The following COLEC12 variants were observed in gnomAD, a reference collection of about 807,000 sequenced individuals.
COLEC12 encodes the protein collectin-12.
A neutral mutation model predicts 71.1 loss-of-function variants in COLEC12; 33 were observed. The observed-to-expected ratio is 0.46, with a 90% CI of 0.35 to 0.62. COLEC12 has a LOEUF of 0.62. Ranked by LOEUF, COLEC12 falls within the 20% of genes least tolerant of loss-of-function variation. The pLI is 0.00. For synonymous variants in COLEC12, 350 were observed against 353.0 expected, an observed-to-expected ratio of 0.99 and a Z score of 0.10; for missense variants, 765 against 916.1, an observed-to-expected ratio of 0.84 and a Z score of 2.13.
chr18:472,725 CAGA>C (rs1917226442), intron 2 of COLEC12, among the ~76,000 whole-genome samples: 1 of 135,444 alleles, frequency 7.4e-6, no homozygotes, highest in Non-Finnish European at 1.6e-5. Context: ...AGGAAAACAA[CAGA>C]AGAAAAGAAA....
At position 394,566 on chromosome 18, in the gene COLEC12, T is replaced by G. The variant is rs117085682; in HGVS notation, c.59-37044A>C. Among the ~76,000 whole-genome samples, 167 of 152,358 alleles carry G rather than the reference T, an allele frequency of 1.1e-3. 1 individual carries two copies. The highest frequency in any genetic ancestry group is 1.5e-3 in the Non-Finnish European group (102 of 68,028). On this transcript the variant is annotated intron_variant, in intron 2 of 9. Coordinates refer to ENST00000400256, the MANE Select transcript of COLEC12 (RefSeq NM_130386.3). ...AACATTCAATACAGTGAACTGAAAC[T>G]TTTGACCTTGAAGGTTTCCCATTTT...
chr18:467,962 A>C (rs1247693543), intron 2 of COLEC12, among the ~76,000 whole-genome samples: 2 of 152,200 alleles, frequency 1.3e-5, no homozygotes, highest in African/African-American at 4.8e-5. Flanking sequence ...AGAGTAAAAA[A>C]TAATATATTT....
chr18:381,503 A>G (rs993094879), intron 2 of COLEC12, among the ~76,000 whole-genome samples: 7 of 152,228 alleles, frequency 4.6e-5, no homozygotes, highest in Non-Finnish European at 7.3e-5. Flanking sequence ...GGAAATGCCA[A>G]TGAAAACAAA....
At chr18:363,468 T>C (rs371503073) in intron 2 of COLEC12, among the ~76,000 whole-genome samples, 60 of 152,282 alleles carry the variant, frequency 3.9e-4, no homozygotes, top group African/African-American at 1.3e-3. Context: ...AAAGGGTCAA[T>C]TGCAAAATCC....
intron 2 of COLEC12, among the ~76,000 whole-genome samples, chr18:421,907 C>T (rs1223165248): frequency 6.6e-6 from 1 of 152,160 alleles, no homozygotes. Flanking sequence ...AAGTTCTCAC[C>T]CATCATATTA....
chr18:415,350 A>G (rs910330996), intron 2 of COLEC12, among the ~76,000 whole-genome samples: 1 of 152,118 alleles, frequency 6.6e-6, no homozygotes, highest in Non-Finnish European at 1.5e-5. Context: ...TTTTCCTTGT[A>G]TCATTGTGAT....
At chr18:416,399 G>T (rs1355429258) in intron 2 of COLEC12, among the ~76,000 whole-genome samples, 1 of 152,200 alleles carries the variant, frequency 6.6e-6, no homozygotes, top group Non-Finnish European at 1.5e-5. Context: ...GGATGAATCA[G>T]GTCAGAGGCT....
chr18:450,013 T>C (rs1916728464), intron 2 of COLEC12, among the ~76,000 whole-genome samples: 1 of 152,254 alleles, frequency 6.6e-6, no homozygotes, highest in African/African-American at 2.4e-5. Context: ...AATTTCATTT[T>C]GTCAGTAAAT....
In COLEC12 at chr18:347,126, T is replaced by C; in HGVS notation, c.496A>G (p.Thr166Ala). ...TACGCCTGGAGGGTTTTGTTTACAG[T>C]GGTGATGAGGAAAGAGTTATTCTCC... The part of the protein sequence containing the change: ...TLENNSFLIT[T>A]VNKTLQAYNG... Residue 166 changes from threonine (T) to alanine (A), a missense_variant, in exon 5 of 10, where the codon ACT becomes GCT. Coordinates refer to ENST00000400256, the MANE Select transcript of COLEC12 (RefSeq NM_130386.3). 1 of 1,614,208 alleles carries C rather than the reference T, an allele frequency of 6.2e-7. No individual in the cohort carries two copies. The highest frequency in any genetic ancestry group is 8.5e-7 in the Non-Finnish European group (1 of 1,180,038).
intron 2 of COLEC12, among the ~76,000 whole-genome samples, chr18:420,100 T>C (rs1195659764): frequency 6.6e-6 from 1 of 152,160 alleles, no homozygotes; most frequent in Non-Finnish European, 1.5e-5. Context: ...GACCCTGGAT[T>C]GTGGCGCAGA....
chr18:382,468 T>C (rs1915253771), intron 2 of COLEC12, among the ~76,000 whole-genome samples: 1 of 152,094 alleles, frequency 6.6e-6, no homozygotes, highest in Non-Finnish European at 1.5e-5. Flanking sequence ...CGCAAATACA[T>C]GACCTGAAAA....
At chr18:427,314 T>G (rs1368641309) in intron 2 of COLEC12, among the ~76,000 whole-genome samples, 1 of 151,990 alleles carries the variant, frequency 6.6e-6, no homozygotes, top group Non-Finnish European at 1.5e-5. Context: ...ATCGCCAAAT[T>G]CAGCTACGCC....
chr18:363,620 AATAAATTCCT>A (rs1327773050), intron 2 of COLEC12, among the ~76,000 whole-genome samples: 2 of 152,240 alleles, frequency 1.3e-5, no homozygotes, highest in Non-Finnish European at 2.9e-5. Context: ...GGATGATTCA[AATAAATTCCT>A]ATAATTAAAA....
chr18:483,751 A>G (rs993710050), intron 1 of COLEC12, among the ~76,000 whole-genome samples: 10 of 152,304 alleles, frequency 6.6e-5, no homozygotes, highest in African/African-American at 2.4e-4. Flanking sequence ...CTGTCGTGTT[A>G]ATGGCTGCAG....
At chr18:494,291 A>T (rs1039938400) in intron 1 of COLEC12, among the ~76,000 whole-genome samples, 1 of 152,232 alleles carries the variant, frequency 6.6e-6, no homozygotes, top group Admixed American at 6.5e-5. Flanking sequence ...TCTAAACTAC[A>T]TCACTGATTA....
In COLEC12 at chr18:321,670, C is replaced by T. The variant is rs1194406893; in HGVS notation, c.2201G>A (p.Arg734Lys). 1 of 1,614,084 alleles carries T rather than the reference C, an allele frequency of 6.2e-7. No homozygotes were observed. Among genetic ancestry groups the T allele is most frequent in the Non-Finnish European group, 8.5e-7 (1 of 1,180,042 alleles). ...DVNNFICEKD[R>K]ETVLSSAL ...TCCCATCTACTGCTCACCTGTCTCC[C>T]TGTCTTTTTCGCAAATGAAGTTATT... Residue 734 changes from arginine to lysine, a missense_variant, in exon 9 of 10, where the codon AGG (arginine) becomes AAG (lysine). Coordinates refer to ENST00000400256, the MANE Select transcript of COLEC12 (RefSeq NM_130386.3).
intron 6 of COLEC12, 125 bp downstream of exon 6, chr18:334,617 G>C: frequency 1.2e-6 from 1 of 816,558 alleles, no homozygotes. Context: ...AACAGAGTGA[G>C]ACCCTGTCTC....
In COLEC12 at chr18:319,340, A is replaced by T. The variant is rs1219845319; in HGVS notation, c.*705T>A. On this transcript the variant is annotated 3_prime_UTR_variant, in exon 10 of 10. Coordinates refer to ENST00000400256, the MANE Select transcript of COLEC12 (RefSeq NM_130386.3). ...AAACATTAAAAAAAAAAAAAAAAAA[A>T]AATATATATATATATATATATATAC... The T allele has an allele frequency of 1.5e-4, 5 of 33,260 alleles. No individual in the cohort carries two copies. Among genetic ancestry groups the T allele is most frequent in the Non-Finnish European group, 4.4e-4 (5 of 11,492 alleles). 2.1% of individuals were successfully genotyped at this position (33,260 alleles called of 1,614,324 possible).
chr18:392,360 G>A (rs1009965131), intron 2 of COLEC12, among the ~76,000 whole-genome samples: 2 of 152,132 alleles, frequency 1.3e-5, no homozygotes, highest in Non-Finnish European at 2.9e-5. Flanking sequence ...TTTTGTCACC[G>A]AACATCCATG....
Sources: allele counts gnomAD v4.1 joint callset (sites outside exome capture counted in the v4.1 genomes callset), GRCh38; gene constraint gnomAD v4.1.1; transcripts MANE v1.5; gene names NCBI Gene and HGNC (gene_info 2026-07-23, HGNC 2026-07-21).